Variants in BPHL observed in about 807,000 individuals in gnomAD.
BPHL encodes the protein serine hydrolase BPHL.
In BPHL, 27 loss-of-function variants were observed where a neutral mutation model predicts 31.2. That is an observed-to-expected ratio of 0.87 (90% CI 0.64 to 1.19). The LOEUF is 1.19. Among genes scored for constraint, BPHL ranks in the 50% most tolerant of loss-of-function variants. The probability of loss-of-function intolerance (pLI) is 0.00; values close to 1 mark genes in which losing one functional copy is unlikely to be tolerated. For synonymous variants in BPHL, 150 were observed against 146.8 expected, an observed-to-expected ratio of 1.02 and a Z score of -0.16; for missense variants, 356 against 375.7, an observed-to-expected ratio of 0.95 and a Z score of 0.43.
At chr6:3,137,845 A>C (rs1762054909) in intron 5 of BPHL, among the ~76,000 whole-genome samples, 1 of 152,216 alleles carries the variant, frequency 6.6e-6, no homozygotes, top group Admixed American at 6.5e-5. Flanking sequence ...TTCGAAAATA[A>C]ATAGGCCACA....
At chr6:3,136,001 G>A (rs1762008946) in intron 4 of BPHL, among the ~76,000 whole-genome samples, 1 of 152,166 alleles carries the variant, frequency 6.6e-6, no homozygotes, top group Admixed American at 6.5e-5. Flanking sequence ...GCCTGCCTTT[G>A]GAGCTGGCTT....
chr6:3,126,057 G>A (rs1197535485), intron 2 of BPHL, among the ~76,000 whole-genome samples: 2 of 152,164 alleles, frequency 1.3e-5, no homozygotes, highest in African/African-American at 2.4e-5. Flanking sequence ...GTGGACTAGC[G>A]GCCAAGCTCC....
chr6:3,145,180 T>G (rs1457616394), intron 6 of BPHL, among the ~76,000 whole-genome samples: 3 of 80,762 alleles, frequency 3.7e-5, no homozygotes, highest in Admixed American at 1.0e-4. Flanking sequence ...GAGTGCTGGT[T>G]CGGGGTGGAG....
In BPHL at chr6:3,140,336, G is replaced by C. The variant is rs761158202; in HGVS notation, c.665-50G>C. The stretch of plus-strand genomic sequence containing the variant: ...TCGCCGAGTTTCGCCTCCTCTGACC[G>C]CGTAGAATGGTTGCACTAAAGCAGA... On this transcript the variant is annotated intron_variant, in intron 5 of 6. Coordinates refer to ENST00000380379, the MANE Select transcript of BPHL (RefSeq NM_004332.4). This position sits in a 1 kb window ranked among gnomAD's most constrained non-coding sequence, Gnocchi z 5.2. 6.2e-7 allele frequency: 1 copy of C among 1,609,064 alleles called. No homozygotes were observed. Among genetic ancestry groups the C allele is most frequent in the Non-Finnish European group, 8.5e-7 (1 of 1,177,078 alleles).
intron 2 of BPHL, among the ~76,000 whole-genome samples, chr6:3,125,596 G>T (rs1259521302): frequency 6.6e-6 from 1 of 152,048 alleles, no homozygotes; most frequent in Non-Finnish European, 1.5e-5. Flanking sequence ...TCTGAAATTG[G>T]TCTTTTAGAC....
At position 3,129,099 on chromosome 6, in the gene BPHL, G is replaced by A. The variant is rs74772741; in HGVS notation, c.433G>A (p.Ala145Thr). ...LLGWSDGGIT[A>T]LIAAAKYPSY... Reference sequence around the variant, plus strand: ...GGGGTGGAGTGATGGGGGCATAACCGCACTCATTGCTGCTGCAAAATATCC... The same window carrying A: ...GGGGTGGAGTGATGGGGGCATAACCACACTCATTGCTGCTGCAAAATATCC... Residue 145 changes from alanine to threonine, a missense_variant, in exon 4 of 7, where the codon GCA (alanine) becomes ACA (threonine). Ala to Thr is a moderately conservative substitution (Grantham distance 58). Coordinates refer to ENST00000380379, the MANE Select transcript of BPHL (RefSeq NM_004332.4). The A allele has an allele frequency of 1.2e-5, 19 of 1,613,702 alleles. No individual in the cohort carries two copies. Among genetic ancestry groups the A allele is most frequent in the Middle Eastern group, 1.7e-4 (1 of 6,060 alleles).
intron 6 of BPHL, among the ~76,000 whole-genome samples, chr6:3,142,009 G>A (rs994981087): frequency 2.6e-5 from 4 of 151,994 alleles, no homozygotes; most frequent in Non-Finnish European, 4.4e-5. Flanking sequence ...ATTTAGTAGC[G>A]AATAAAAGGT....
chr6:3,119,232 A>G, intron 1 of BPHL: 7 of 1,476,576 alleles, frequency 4.7e-6, no homozygotes, highest in Non-Finnish European at 6.4e-6. Flanking sequence ...TGCTCTGTCC[A>G]GAGTCCACAC....
intron 6 of BPHL, among the ~76,000 whole-genome samples, chr6:3,144,130 C>G (rs1210635426): frequency 6.6e-6 from 1 of 150,858 alleles, no homozygotes; most frequent in Admixed American, 6.6e-5. Flanking sequence ...TGCAGTGGCG[C>G]GATCTTGGCT....
chr6:3,142,881 A>G (rs1762218160), intron 6 of BPHL, among the ~76,000 whole-genome samples: 3 of 152,190 alleles, frequency 2.0e-5, no homozygotes, highest in South Asian at 4.1e-4. Context: ...TAATTTAGGA[A>G]TTAAAGTTTA....
intron 2 of BPHL, chr6:3,123,967 C>T (rs1360091531): frequency 3.6e-5 from 13 of 363,804 alleles, no homozygotes; most frequent in Non-Finnish European, 5.5e-5. Context: ...AGTAAAGTAC[C>T]CAGTTTTTCC....
At chr6:3,121,106 A>T (rs1473907919) in intron 1 of BPHL, among the ~76,000 whole-genome samples, 1 of 152,214 alleles carries the variant, frequency 6.6e-6, no homozygotes, top group Non-Finnish European at 1.5e-5. Context: ...AACATGAAGT[A>T]ATTAGTAGGC....
intron 6 of BPHL, among the ~76,000 whole-genome samples, chr6:3,144,531 C>T (rs1026128257): frequency 1.3e-5 from 2 of 151,908 alleles, no homozygotes; most frequent in Non-Finnish European, 2.9e-5. Flanking sequence ...GACATAGGCA[C>T]GTACCACCAC....
chr6:3,119,430 C>A (rs780283578), intron 1 of BPHL: 86 of 1,611,362 alleles, frequency 5.3e-5, no homozygotes, highest in Non-Finnish European at 7.0e-5. Flanking sequence ...GCCTCACTCC[C>A]AGAGGATCTG....
rs1325823054 is a variant in BPHL at position 3,146,017 on chromosome 6, C to T, written c.788+5508C>T. 6.9e-4 allele frequency among the ~76,000 whole-genome samples: 11 copies of T among 16,016 alleles called. 2 individuals carry two copies. Among genetic ancestry groups the T allele is most frequent in the East Asian group, 5.0e-3 (4 of 800 alleles). 10.5% of individuals were successfully genotyped at this position (16,016 alleles called of 152,430 possible). A position where few individuals can be genotyped will look rare whatever the true frequency, so the allele number is the denominator to read the frequency against. On this transcript the variant is annotated intron_variant, in intron 6 of 6. Transcript: ENST00000380379. ...GCTGGTTCGGGGTGGAGTGCTGGTT[C>T]GGGTCCGAGTGCTGGTTCGGGTGGA...
chr6:3,144,159 C>T (rs1473665623), intron 6 of BPHL, among the ~76,000 whole-genome samples: 1 of 152,200 alleles, frequency 6.6e-6, no homozygotes. Flanking sequence ...GCTCTGCCTC[C>T]TGGGTTCCTG....
At position 3,153,309 on chromosome 6, in the gene BPHL, C is replaced by G. The variant is rs1467362452; in HGVS notation, c.*734C>G. 1 of 162,616 alleles carries G rather than the reference C, an allele frequency of 6.1e-6. No homozygotes were observed. Among genetic ancestry groups the G allele is most frequent in the Non-Finnish European group, 1.4e-5 (1 of 73,486 alleles). 10.1% of individuals were successfully genotyped at this position (162,616 alleles called of 1,614,324 possible). A position where few individuals can be genotyped will look rare whatever the true frequency, so the allele number is the denominator to read the frequency against. On this transcript the variant is annotated 3_prime_UTR_variant, in exon 7 of 7. Transcript: ENST00000380379. Reference sequence around the variant, plus strand: ...TTTATTTGTGTTTATCTATCATATTCAAAGAGAAGTAGGGAGAGTCCGTGC... The same window carrying G: ...TTTATTTGTGTTTATCTATCATATTGAAAGAGAAGTAGGGAGAGTCCGTGC...
chr6:3,121,050 T>A (rs2113742431), intron 1 of BPHL, among the ~76,000 whole-genome samples: 1 of 152,314 alleles, frequency 6.6e-6, no homozygotes, highest in East Asian at 1.9e-4. Flanking sequence ...TGCAGCGTTT[T>A]TGTGAGGATT....
chr6:3,146,415 TGAGTGCTGGTTTGGGTCG>T (rs1201190873), intron 6 of BPHL, among the ~76,000 whole-genome samples: 93 of 96,944 alleles, frequency 9.6e-4, no homozygotes, highest in African/African-American at 3.6e-3. Flanking sequence ...TGGTTTGGGT[TGAGTGCTGGTTTGGGTCG>T]GAGTGCTGGT....
Sources: allele counts gnomAD v4.1 joint callset (sites outside exome capture counted in the v4.1 genomes callset), GRCh38; gene constraint gnomAD v4.1.1; non-coding constraint Gnocchi (gnomAD v3.1); transcripts MANE v1.5; gene names NCBI Gene and HGNC (gene_info 2026-07-23, HGNC 2026-07-21).